LRMDA: variants seen among roughly 807,000 people sequenced by gnomAD.
LRMDA encodes leucine rich melanocyte differentiation associated, also known as leucine-rich melanocyte differentiation-associated protein.
In LRMDA, 18 loss-of-function variants were observed where a neutral mutation model predicts 29.8. The observed-to-expected ratio is 0.60, with a 90% CI of 0.42 to 0.90. LRMDA has a LOEUF of 0.90. Among genes scored for constraint, LRMDA ranks in the 40% least tolerant of loss-of-function variants. The probability of loss-of-function intolerance (pLI) is 0.00; values close to 1 mark genes in which losing one functional copy is unlikely to be tolerated. For missense variants in LRMDA, 273 were observed against 273.9 expected, an observed-to-expected ratio of 1.00 and a Z score of 0.02; for synonymous variants, 125 against 109.4, an observed-to-expected ratio of 1.14 and a Z score of -0.89.
intron 6 of LRMDA, among the ~76,000 whole-genome samples, chr10:76,378,696 A>C (rs906065808): frequency 6.6e-6 from 1 of 151,852 alleles, no homozygotes; most frequent in African/African-American, 2.4e-5. Context: ...ATTGATTTGC[A>C]TATGTTGCAA....
At chr10:75,674,393 T>C (rs1189755208) in intron 2 of LRMDA, among the ~76,000 whole-genome samples, 1 of 152,194 alleles carries the variant, frequency 6.6e-6, no homozygotes, top group East Asian at 1.9e-4. Context: ...AGAGCATGTT[T>C]GAAAGCTCCA....
intron 5 of LRMDA, among the ~76,000 whole-genome samples, chr10:76,206,439 GA>G (rs1439845769): frequency 6.6e-6 from 1 of 152,162 alleles, no homozygotes; most frequent in Non-Finnish European, 1.5e-5. Flanking sequence ...AGTAGTACAG[GA>G]AAGTATGCAT....
chr10:76,290,738 A>G (rs1025738401), intron 5 of LRMDA, among the ~76,000 whole-genome samples: 6 of 151,998 alleles, frequency 3.9e-5, no homozygotes, highest in Non-Finnish European at 1.5e-5. Context: ...CTCTATTCCA[A>G]TGGTGGTGGT....
At chr10:76,241,600 G>T (rs1357136947) in intron 5 of LRMDA, among the ~76,000 whole-genome samples, 1 of 152,110 alleles carries the variant, frequency 6.6e-6, no homozygotes, top group Non-Finnish European at 1.5e-5. Flanking sequence ...AATATGAAGT[G>T]TTTCCAGATG....
intron 2 of LRMDA, among the ~76,000 whole-genome samples, chr10:75,708,261 G>A (rs1218973917): frequency 6.6e-6 from 1 of 152,172 alleles, no homozygotes; most frequent in Non-Finnish European, 1.5e-5. Flanking sequence ...TGTCAGCTTC[G>A]TCGATCTGTC....
At chr10:76,295,145 G>T (rs2132352852) in intron 5 of LRMDA, among the ~76,000 whole-genome samples, 2 of 152,282 alleles carry the variant, frequency 1.3e-5, no homozygotes, top group South Asian at 4.2e-4. Context: ...CTAGGACTAT[G>T]GTTTAATGGT....
intron 6 of LRMDA, among the ~76,000 whole-genome samples, chr10:76,549,246 G>T (rs1438545002): frequency 1.3e-5 from 2 of 152,082 alleles, no homozygotes; most frequent in Non-Finnish European, 2.9e-5. Flanking sequence ...TGGTCTGGGA[G>T]GCTAGCCCCA....
chr10:75,628,346 T>C (rs2132111108), intron 2 of LRMDA, among the ~76,000 whole-genome samples: 1 of 152,342 alleles, frequency 6.6e-6, no homozygotes, highest in Non-Finnish European at 1.5e-5. Context: ...AGCTTTATAT[T>C]ATGAAAAATG....
At chr10:76,409,426 A>G (rs572892982) in intron 6 of LRMDA, among the ~76,000 whole-genome samples, 74 of 152,254 alleles carry the variant, frequency 4.9e-4, no homozygotes, top group African/African-American at 1.7e-3. Flanking sequence ...TTAACATTAG[A>G]TTTTTAAAAT....
At chr10:75,897,952 G>T (rs1477471469) in intron 2 of LRMDA, among the ~76,000 whole-genome samples, 2 of 151,720 alleles carry the variant, frequency 1.3e-5, no homozygotes, top group African/African-American at 4.8e-5. Context: ...CTCCTGAGTA[G>T]CTGGGATTAC....
intron 2 of LRMDA, among the ~76,000 whole-genome samples, chr10:75,985,342 C>G (rs1029448562): frequency 1.3e-5 from 2 of 152,166 alleles, no homozygotes; most frequent in Admixed American, 6.5e-5. Context: ...TTTATTAGTT[C>G]ACATGTCTGA....
intron 2 of LRMDA, among the ~76,000 whole-genome samples, chr10:75,625,401 G>T (rs758973085): frequency 2.0e-5 from 3 of 152,150 alleles, no homozygotes; most frequent in Non-Finnish European, 4.4e-5. Context: ...CATAAAGCCC[G>T]AGAGTCCGTT....
chr10:75,937,633 C>T (rs1846320162), intron 2 of LRMDA, among the ~76,000 whole-genome samples: 2 of 152,106 alleles, frequency 1.3e-5, no homozygotes, highest in African/African-American at 4.8e-5. Flanking sequence ...TGAAGGGGGG[C>T]AGGACTGGGT....
At chr10:75,767,620 A>G (rs1431157794) in intron 2 of LRMDA, among the ~76,000 whole-genome samples, 2 of 152,144 alleles carry the variant, frequency 1.3e-5, no homozygotes, top group Admixed American at 1.3e-4. Flanking sequence ...AGAAAACTTA[A>G]CGTGATTTCT....
intron 6 of LRMDA, among the ~76,000 whole-genome samples, chr10:76,458,017 T>C (rs908188824): frequency 1.3e-5 from 2 of 151,686 alleles, no homozygotes; most frequent in South Asian, 2.1e-4. Context: ...AAATAGGAGG[T>C]GTCCCCCTCA....
intron 2 of LRMDA, among the ~76,000 whole-genome samples, chr10:75,947,940 TG>T (rs1166410140): frequency 6.6e-6 from 1 of 152,214 alleles, no homozygotes; most frequent in African/African-American, 2.4e-5. Flanking sequence ...ACAGGGAGAC[TG>T]TATTTTTGTT....
At chr10:75,661,729 G>A (rs781606043) in intron 2 of LRMDA, among the ~76,000 whole-genome samples, 1 of 152,180 alleles carries the variant, frequency 6.6e-6, no homozygotes, top group Non-Finnish European at 1.5e-5. Flanking sequence ...AAACACACAT[G>A]ATGTACAGAT....
intron 5 of LRMDA, among the ~76,000 whole-genome samples, chr10:76,105,283 C>T (rs1046753590): frequency 4.6e-5 from 7 of 152,168 alleles, no homozygotes; most frequent in East Asian, 1.9e-4. Flanking sequence ...ATTTCGTTAC[C>T]GTTTTTTTCC....
intron 6 of LRMDA, among the ~76,000 whole-genome samples, chr10:76,521,154 G>A (rs1843115894): frequency 1.6e-5 from 2 of 124,006 alleles, no homozygotes; most frequent in South Asian, 5.1e-4. Context: ...TTTTTTTTGA[G>A]ACGGAGTCTC....
Sources: allele counts gnomAD v4.1 joint callset (sites outside exome capture counted in the v4.1 genomes callset), GRCh38; gene constraint gnomAD v4.1.1; transcripts MANE v1.5; gene names NCBI Gene and HGNC (gene_info 2026-07-23, HGNC 2026-07-21).